EPHA8: variants seen among roughly 807,000 people sequenced by gnomAD.
EPHA8 encodes ephrin type-A receptor 8.
In EPHA8, 58 loss-of-function variants were observed where a neutral mutation model predicts 103.6. The observed-to-expected ratio is 0.56, with a 90% confidence interval of 0.45 to 0.70. The LOEUF (loss-of-function observed/expected upper bound fraction) is 0.70, where lower values mean the gene tolerates loss of function less well. EPHA8 is among the 30% of genes least tolerant of loss of function. EPHA8 has a pLI of 0.00. For synonymous variants in EPHA8, 559 were observed against 572.5 expected (o/e 0.98, Z 0.34); for missense variants, 1,304 against 1,395.2 (o/e 0.93, Z 1.04).
chr1:22,580,747 A>C (rs1194990898), intron 3 of EPHA8, among the ~76,000 whole-genome samples: 1 of 152,212 alleles, frequency 6.6e-6, no homozygotes, highest in African/African-American at 2.4e-5. Flanking sequence ...CAGGTATCAC[A>C]ATTCCATTTT....
At chr1:22,568,933 C>T (rs1640445944) in intron 1 of EPHA8, among the ~76,000 whole-genome samples, 1 of 152,232 alleles carries the variant, frequency 6.6e-6, no homozygotes, top group Admixed American at 6.5e-5. Context: ...TGCCCAGGGA[C>T]TCACAGCTCC....
rs146324097 is a variant in EPHA8 at position 22,576,457 on chromosome 1, G to A, written c.400G>A (p.Gly134Arg). ...LYYLESDRDL[G>R]ASTQESQFLK... is the part of the protein sequence containing the mutation. ...CTACCTGGAGTCGGACCGCGACCTG[G>A]GGGCCAGCACACAAGAAAGCCAGTT... is the stretch of plus-strand genomic sequence containing the variant. The change falls in exon 3 of 17, where the codon GGG becomes AGG. Residue 134 changes from glycine to arginine, a missense_variant. Gly to Arg is a moderately radical substitution (Grantham distance 125). Coordinates refer to ENST00000166244, the MANE Select transcript of EPHA8 (RefSeq NM_020526.5). The surrounding 1 kb of genome is among the most constrained non-coding windows in gnomAD (Gnocchi z 4.8). 22 of 1,614,078 alleles carry A rather than the reference G, an allele frequency of 1.4e-5. No individual in the cohort carries two copies. The Middle Eastern group carries it at 4.9e-4, about 36-fold the overall frequency.
Position 22,576,811 on chromosome 1 carries a change from G to A in EPHA8, c.754G>A (p.Glu252Lys). 4 of 1,612,158 alleles carry A rather than the reference G, an allele frequency of 2.5e-6. No homozygotes were observed. The highest frequency in any genetic ancestry group is 4.5e-5 in the East Asian group (2 of 44,832). Reference protein sequence around the residue: ...TPKMYCSAEGEWLVPIGKCVC... With the variant: ...TPKMYCSAEGKWLVPIGKCVC... ...CAAGATGTACTGCAGCGCGGAGGGCGAGTGGCTCGTGCCCATCGGCAAATG... is the reference window on the plus strand; with the variant it reads ...CAAGATGTACTGCAGCGCGGAGGGCAAGTGGCTCGTGCCCATCGGCAAATG... Residue 252 changes from glutamate to lysine, a missense_variant, in exon 3 of 17, where the codon GAG becomes AAG. By Grantham distance (56) the Glu-to-Lys change is moderately conservative (BLOSUM62 1). Transcript: ENST00000166244. The surrounding 1 kb of genome is among the most constrained non-coding windows in gnomAD (Gnocchi z 4.8).
At chr1:22,575,148 G>A (rs1268839624) in intron 2 of EPHA8, among the ~76,000 whole-genome samples, 1 of 151,968 alleles carries the variant, frequency 6.6e-6, no homozygotes, top group African/African-American at 2.4e-5. Context: ...ACAGGGTTTC[G>A]CCATGTTGGC....
At position 22,585,048 on chromosome 1, in the gene EPHA8, T is replaced by TGCGCGCGCGC. The variant is rs1553146979; in HGVS notation, c.824-1431_824-1430insCGCGCGCGCG. ...TTCTCTGTGTGTGTGTGTGTGTGTG[T>TGCGCGCGCGC]GTGCGCACGCGTGTGTCTAGAGTTC... is the stretch of plus-strand genomic sequence containing the variant. On this transcript the variant is annotated intron_variant, in intron 3 of 16. Transcript: ENST00000166244. Among the ~76,000 whole-genome samples the TGCGCGCGCGC allele has an allele frequency of 8.0e-3, 891 of 111,318 alleles. 15 individuals are homozygous for TGCGCGCGCGC. The highest frequency in any genetic ancestry group is 0.038 in the African/African-American group (837 of 22,148). 73.0% of individuals were successfully genotyped at this position (111,318 alleles called of 152,430 possible).
At chr1:22,592,202 T>C (rs1037361901) in intron 5 of EPHA8, among the ~76,000 whole-genome samples, 7 of 152,070 alleles carry the variant, frequency 4.6e-5, no homozygotes, top group African/African-American at 1.4e-4. Context: ...GCGAACCCCA[T>C]TCCCCTCCCG....
At chr1:22,578,168 ATG>A (rs879393742) in intron 3 of EPHA8, among the ~76,000 whole-genome samples, 44 of 38,986 alleles carry the variant, frequency 1.1e-3, no homozygotes, top group Admixed American at 3.0e-3. Context: ...GCATGAGTGT[ATG>A]TGTGCATGTG....
Position 22,601,695 on chromosome 1 carries a change from T to C in EPHA8, c.2972T>C (p.Met991Thr), listed in dbSNP as rs756880433. 5.1e-6 allele frequency: 8 copies of C among 1,584,142 alleles called. No individual in the cohort carries two copies. Among genetic ancestry groups the C allele is most frequent in the East Asian group, 2.3e-5 (1 of 42,864 alleles). The change falls in exon 17 of 17, where the codon ATG becomes ACG. Residue 991 changes from methionine (M) to threonine (T), a missense_variant. By Grantham distance (81) the Met-to-Thr change is moderately conservative. Transcript: ENST00000166244. ...QKKILGSIQT[M>T]RAQLTSTQGP... is the part of the protein sequence containing the mutation. The stretch of plus-strand genomic sequence containing the variant: ...AAGATCCTGGGCAGCATTCAGACCA[T>C]GCGGGCCCAGCTGACCAGCACCCAG...
At position 22,567,532 on chromosome 1, in the gene EPHA8, G is replaced by C. The variant is rs1640401464; in HGVS notation, c.95-1757G>C. Among the ~76,000 whole-genome samples, 1 of 152,114 alleles carries C rather than the reference G, an allele frequency of 6.6e-6. No individual in the cohort carries two copies. The highest frequency in any genetic ancestry group is 2.4e-5 in the African/African-American group (1 of 41,436). ...ATCCCAAGTGGCCCCTGGGGACCCA[G>C]GGAGGAATGCAGGGAGGAGCGCGGA... On this transcript the variant is annotated intron_variant, in intron 1 of 16. Coordinates refer to ENST00000166244, the MANE Select transcript of EPHA8 (RefSeq NM_020526.5). This position sits in a 1 kb window ranked among gnomAD's most constrained non-coding sequence, Gnocchi z 4.2.
At chr1:22,592,210 C>G (rs758064376) in intron 5 of EPHA8, among the ~76,000 whole-genome samples, 2 of 152,172 alleles carry the variant, frequency 1.3e-5, no homozygotes, top group African/African-American at 4.8e-5. Context: ...CATTCCCCTC[C>G]CGCTCTGGGC....
chr1:22,597,527 C>T lies in EPHA8; in HGVS notation c.1930+51C>T. 1 of 1,588,098 alleles carries T rather than the reference C, an allele frequency of 6.3e-7. No individual in the cohort carries two copies. Among genetic ancestry groups the T allele is most frequent in the Non-Finnish European group, 8.6e-7 (1 of 1,165,758 alleles). On this transcript the variant is annotated intron_variant, in intron 10 of 16. Transcript: ENST00000166244. The surrounding 1 kb of genome is among the most constrained non-coding windows in gnomAD (Gnocchi z 4.6). Reference sequence around the variant, plus strand: ...GGGCCAGCATGGGGCAAGGTGGGGGCACCCAGGGCAAGGTGGGGGCACCCA... The same window carrying T: ...GGGCCAGCATGGGGCAAGGTGGGGGTACCCAGGGCAAGGTGGGGGCACCCA...
In EPHA8 at chr1:22,576,938, G is replaced by A; in HGVS notation, c.823+58G>A. On this transcript the variant is annotated intron_variant, in intron 3 of 16. Coordinates refer to ENST00000166244, the MANE Select transcript of EPHA8 (RefSeq NM_020526.5). The surrounding 1 kb of genome is among the most constrained non-coding windows in gnomAD (Gnocchi z 4.8). Reference sequence around the variant, plus strand: ...CGGCAGCGGTGCTTGGTCTTGGCAGGGCTGCCAGGGTGTAAGGGGGGACGT... The same window carrying A: ...CGGCAGCGGTGCTTGGTCTTGGCAGAGCTGCCAGGGTGTAAGGGGGGACGT... 2 of 1,523,678 alleles carry A rather than the reference G, an allele frequency of 1.3e-6. No homozygotes were observed. Among genetic ancestry groups the A allele is most frequent in the East Asian group, 2.3e-5 (1 of 43,292 alleles). The allele number at this position is 1,523,678 out of a possible 1,614,324, so 94.4% of individuals were successfully genotyped here. A position where few individuals can be genotyped will look rare whatever the true frequency, so the allele number is the denominator to read the frequency against.
At chr1:22,568,322 C>G (rs1437831422) in intron 1 of EPHA8, among the ~76,000 whole-genome samples, 1 of 152,208 alleles carries the variant, frequency 6.6e-6, no homozygotes, top group Non-Finnish European at 1.5e-5. Flanking sequence ...GCAGGGTCCC[C>G]TTTGCAGAGG....
rs966219473 is a variant in EPHA8 at position 22,595,148 on chromosome 1, G to C, written c.1604-82G>C. The C allele has an allele frequency of 5.9e-6, 7 of 1,177,530 alleles. No homozygotes were observed. In the African/African-American group the frequency reaches 9.1e-5, roughly 15 times the overall value. 72.9% of individuals were successfully genotyped at this position (1,177,530 alleles called of 1,614,324 possible). On this transcript the variant is annotated intron_variant, in intron 7 of 16. Transcript: ENST00000166244. ...CCACTGGCCCCAGGGTCACAGCCAGGCAGGCTCAGAGGTCTGCCAGACCCC... is the reference window on the plus strand; with the variant it reads ...CCACTGGCCCCAGGGTCACAGCCAGCCAGGCTCAGAGGTCTGCCAGACCCC...
At chr1:22,578,249 T>C (rs1240393245) in intron 3 of EPHA8, among the ~76,000 whole-genome samples, 1 of 146,184 alleles carries the variant, frequency 6.8e-6, no homozygotes, top group Non-Finnish European at 1.5e-5. Flanking sequence ...TGCATGTGTG[T>C]GTCTGTATAC....
chr1:22,575,582 T>G (rs553462022), intron 2 of EPHA8, among the ~76,000 whole-genome samples: 1 of 152,186 alleles, frequency 6.6e-6, no homozygotes, highest in Non-Finnish European at 1.5e-5. Context: ...TATTTCGGAA[T>G]CACTGATGCC....
chr1:22,596,166 T>C lies in EPHA8; in HGVS notation c.1758T>C (p.Asn586=), dbSNP rs770764501. 9 of 1,613,648 alleles carry C rather than the reference T, an allele frequency of 5.6e-6. No homozygotes were observed. The South Asian group carries it at 9.9e-5, about 18-fold the overall frequency. The change falls in exon 9 of 17, where the codon AAT becomes AAC. Residue 586 remains asparagine (N), a synonymous_variant. Coordinates refer to ENST00000166244, the MANE Select transcript of EPHA8 (RefSeq NM_020526.5). ...ACGAGGAGAAGATGCACTATCAGAATGGACAGGGTGAGTGCAGGGGCCCGG... is the reference window on the plus strand; with the variant it reads ...ACGAGGAGAAGATGCACTATCAGAACGGACAGGGTGAGTGCAGGGGCCCGG... ...DSDEEKMHYQ[N]GQAPPPVFLP...
At chr1:22,591,056 C>G (rs577708807) in intron 5 of EPHA8, among the ~76,000 whole-genome samples, 36 of 152,082 alleles carry the variant, frequency 2.4e-4, no homozygotes, top group Non-Finnish European at 4.4e-4. Flanking sequence ...GCCTCACCCC[C>G]ACAAGACATT....
At position 22,588,990 on chromosome 1, in the gene EPHA8, CGCCGCTGCCCCTGGGCACTGA is replaced by C. The variant is rs1641296523; in HGVS notation, c.1108_1128del (p.Pro370_Cys376del). 6.2e-7 allele frequency: 1 copy of C among 1,613,326 alleles called. No individual in the cohort carries two copies. Among genetic ancestry groups the C allele is most frequent in the Non-Finnish European group, 8.5e-7 (1 of 1,179,742 alleles). On this transcript the variant is annotated inframe_deletion, in exon 5 of 17. Transcript: ENST00000166244. ...TGACATCACCTACAATGCCGTGTGCCGCCGCTGCCCCTGGGCACTGAGCCGCTGCGAGGCATGTGGGAGCGG... is the reference window on the plus strand; with the variant it reads ...TGACATCACCTACAATGCCGTGTGCCGCCGCTGCGAGGCATGTGGGAGCGG...
Sources: gnomAD v4.1 joint callset for allele counts (sites outside exome capture counted in the v4.1 genomes callset) on GRCh38, gnomAD v4.1.1 for gene constraint, Gnocchi (gnomAD v3.1) non-coding constraint, MANE v1.5 for transcripts, NCBI Gene and HGNC (gene_info 2026-07-23, HGNC 2026-07-21) for gene names.